The following TMEM138 variants were observed in gnomAD, a reference collection of about 807,000 sequenced individuals.
The protein encoded by TMEM138 is transmembrane protein 138.
A neutral mutation model predicts 18.1 loss-of-function variants in TMEM138; 9 were observed. The observed-to-expected ratio is 0.50, with a 90% CI of 0.30 to 0.87. The LOEUF is 0.87. Ranked by LOEUF, TMEM138 falls within the 40% of genes least tolerant of loss-of-function variation. The pLI is 0.06. For missense variants in TMEM138, 189 were observed against 190.6 expected (o/e 0.99, Z 0.05); for synonymous variants, 79 against 74.8 (o/e 1.06, Z -0.29).
Position 61,369,022 on chromosome 11 carries a change from A to G in TMEM138, c.*313A>G. The G allele has an allele frequency of 3.3e-6, 1 of 300,406 alleles. No individual in the cohort carries two copies. The highest frequency in any genetic ancestry group is 6.4e-6 in the Non-Finnish European group (1 of 156,108). 18.6% of individuals were successfully genotyped at this position (300,406 alleles called of 1,614,324 possible). ...GGTTCTGTGGCTCTTACCCTTGTGA[A>G]GCTTTTCCTTTAGCCTGGGACAGAA... On this transcript the variant is annotated 3_prime_UTR_variant, in exon 5 of 5. Coordinates refer to ENST00000278826, the MANE Select transcript of TMEM138 (RefSeq NM_016464.5).
In TMEM138 at chr11:61,364,546, C is replaced by T. The variant is rs775818132; in HGVS notation, c.128+28C>T. On this transcript the variant is annotated intron_variant, in intron 2 of 4. Transcript: ENST00000278826. ...GCGTGCAGTAAGGCACTCTGGAAAG[C>T]TGAACCCACGCAATTCAAAGGCCCT... The T allele has an allele frequency of 9.3e-6, 15 of 1,613,008 alleles. No individual in the cohort carries two copies. The Admixed American group carries it at 2.5e-4, about 27-fold the overall frequency.
Position 61,368,856 on chromosome 11 carries a change from A to G in TMEM138, c.*147A>G, listed in dbSNP as rs1315972621. On this transcript the variant is annotated 3_prime_UTR_variant, in exon 5 of 5. Coordinates refer to ENST00000278826, the MANE Select transcript of TMEM138 (RefSeq NM_016464.5). ...CTGTGTTCAGCATTCAAGAAGGAAG[A>G]TCCTCCCTCTTGCACAATTAGAGTG... The G allele has an allele frequency of 4.6e-6, 3 of 654,366 alleles. No homozygotes were observed. Among genetic ancestry groups the G allele is most frequent in the Non-Finnish European group, 8.2e-6 (3 of 364,140 alleles). 40.5% of individuals were successfully genotyped at this position (654,366 alleles called of 1,614,324 possible). A position where few individuals can be genotyped will look rare whatever the true frequency, so the allele number is the denominator to read the frequency against.
Position 61,367,942 on chromosome 11 carries a change from C to G in TMEM138, c.320C>G (p.Ser107Cys). Residue 107 changes from serine to cysteine, a missense_variant, in exon 4 of 5, where the codon TCC (serine) becomes TGC (cysteine). Coordinates refer to ENST00000278826, the MANE Select transcript of TMEM138 (RefSeq NM_016464.5). The part of the protein sequence containing the change: ...VWVMNLRWKN[S>C]NSFIWTDGLQ... ...CTTCAGAACTTACGCTGGAAAAACT[C>G]CAACAGCTTCATATGGACAGATGGA... 6.2e-7 allele frequency: 1 copy of G among 1,613,412 alleles called. No individual in the cohort carries two copies. Among genetic ancestry groups the G allele is most frequent in the Non-Finnish European group, 8.5e-7 (1 of 1,179,390 alleles).
At chr11:61,374,243 G>A (rs184201006), downstream of TMEM138, among the ~76,000 whole-genome samples, 1 of 150,624 alleles carries the variant, frequency 6.6e-6, no homozygotes, top group Non-Finnish European at 1.5e-5. Context: ...TGCGTCCCGG[G>A]TTCAAGCAAT....
intron 4 of TMEM138, 63 bp downstream of exon 4, chr11:61,368,061 C>T: frequency 1.7e-6 from 2 of 1,165,412 alleles, no homozygotes; most frequent in East Asian, 2.3e-5. Context: ...CAGTGAGGGC[C>T]TTGATGCTGG....
downstream of TMEM138, among the ~76,000 whole-genome samples, chr11:61,371,209 A>G (rs1858334756): frequency 6.6e-6 from 1 of 151,870 alleles, no homozygotes; most frequent in Non-Finnish European, 1.5e-5. Flanking sequence ...TAATTTTTGT[A>G]TTTTTAGTAG....
downstream of TMEM138, among the ~76,000 whole-genome samples, chr11:61,372,562 C>T (rs183057260): frequency 2.8e-4 from 42 of 151,354 alleles, no homozygotes; most frequent in Admixed American, 1.1e-3. Context: ...GCGGGGGGAT[C>T]GTGAAGTCAG....
At chr11:61,369,830 A>G (rs1832181504), downstream of TMEM138, among the ~76,000 whole-genome samples, 1 of 152,188 alleles carries the variant, frequency 6.6e-6, no homozygotes, top group Non-Finnish European at 1.5e-5. Context: ...ATCTGCTCAC[A>G]CGCCAGTGGC....
chr11:61,369,800 C>A (rs1390341420), downstream of TMEM138, among the ~76,000 whole-genome samples: 1 of 152,220 alleles, frequency 6.6e-6, no homozygotes, highest in Non-Finnish European at 1.5e-5. Context: ...TGCAGATTTA[C>A]TTCCCACAGA....
In TMEM138 at chr11:61,368,004, G is replaced by A; in HGVS notation, c.376+6G>A. ...GTTTGTATTCCAGAGACTAGGTAAG[G>A]ACCAGAGCAAGGTCAGGCCTCTCTC... is the stretch of plus-strand genomic sequence containing the variant. On this transcript the variant is annotated splice_donor_region_variant and intron_variant, in intron 4 of 4. Transcript: ENST00000278826. The A allele has an allele frequency of 6.2e-7, 1 of 1,602,192 alleles. No individual in the cohort carries two copies. Among genetic ancestry groups the A allele is most frequent in the Non-Finnish European group, 8.6e-7 (1 of 1,169,180 alleles).
At chr11:61,370,477 G>A (rs1001942281), downstream of TMEM138, among the ~76,000 whole-genome samples, 1 of 152,200 alleles carries the variant, frequency 6.6e-6, no homozygotes, top group Non-Finnish European at 1.5e-5. Flanking sequence ...AGGTAGAGGG[G>A]TGGGTTTTGT....
chr11:61,364,422 T>C lies in TMEM138; in HGVS notation c.32T>C (p.Leu11Pro). The C allele has an allele frequency of 2.5e-6, 4 of 1,614,190 alleles. No homozygotes were observed. Among genetic ancestry groups the C allele is most frequent in the Non-Finnish European group, 3.4e-6 (4 of 1,180,014 alleles). MLQTSNYSLV[L>P]SLQFLLLSYD... ...CAGACCAGTAACTACAGCCTGGTGC[T>C]CTCTCTGCAGTTCCTGCTGCTGTCC... Residue 11 changes from leucine (L) to proline (P), a missense_variant, in exon 2 of 5, where the codon CTC becomes CCC. Transcript: ENST00000278826.
downstream of TMEM138, among the ~76,000 whole-genome samples, chr11:61,371,085 T>A (rs1168771769): frequency 6.6e-6 from 1 of 152,194 alleles, no homozygotes; most frequent in Non-Finnish European, 1.5e-5. Flanking sequence ...ACCAGGCTGG[T>A]GTGCAGTGGT....
chr11:61,375,685 G>A (rs147549929), downstream of TMEM138, among the ~76,000 whole-genome samples: 1,538 of 152,244 alleles, frequency 0.01, 38 homozygotes, highest in African/African-American at 0.035. Flanking sequence ...ATCTGTTTTC[G>A]TTTGTAACAG....
intron 2 of TMEM138, among the ~76,000 whole-genome samples, chr11:61,365,471 G>A (rs896356406): frequency 2.6e-5 from 4 of 152,100 alleles, no homozygotes; most frequent in Admixed American, 6.5e-5. Context: ...TAGTAGAGAC[G>A]GGGTTTTGCC....
rs1333207300 is a variant in TMEM138, at chr11:61,368,268, A to C, written c.376+270A>C. 45 of 570,288 alleles carry C rather than the reference A, an allele frequency of 7.9e-5. 1 individual carries two copies. Among genetic ancestry groups the C allele is most frequent in the Admixed American group, 2.4e-5 (1 of 42,324 alleles). The allele number at this position is 570,288 out of a possible 1,614,324, so 35.3% of individuals were successfully genotyped here. A position where few individuals can be genotyped will look rare whatever the true frequency, so the allele number is the denominator to read the frequency against. Reference sequence around the variant, plus strand: ...TTGAGACAGTCTTGCTCTGTCGCCCAGGCTGGAGTGCTGTGGCGCTATCTC... The same window carrying C: ...TTGAGACAGTCTTGCTCTGTCGCCCCGGCTGGAGTGCTGTGGCGCTATCTC... On this transcript the variant is annotated intron_variant, in intron 4 of 4. Coordinates refer to ENST00000278826, the MANE Select transcript of TMEM138 (RefSeq NM_016464.5).
intron 2 of TMEM138, chr11:61,365,829 T>G (rs763620335): frequency 2.0e-6 from 1 of 492,210 alleles, no homozygotes; most frequent in Non-Finnish European, 3.5e-6. Context: ...GACTATGGAC[T>G]GCAAACCCAA....
At chr11:61,375,017 T>C (rs57265354), downstream of TMEM138, among the ~76,000 whole-genome samples, 4,417 of 152,178 alleles carry the variant, frequency 0.029, 189 homozygotes, top group African/African-American at 0.093. Flanking sequence ...TTCTGATAAC[T>C]TTAGAGACTG....
downstream of TMEM138, among the ~76,000 whole-genome samples, chr11:61,372,384 C>G (rs1858363752): frequency 1.3e-5 from 2 of 151,218 alleles, no homozygotes; most frequent in African/African-American, 2.4e-5. Flanking sequence ...TCACTGCAAC[C>G]TCTGCCTCTT....
Sources: gnomAD v4.1 joint callset for allele counts (sites outside exome capture counted in the v4.1 genomes callset) on GRCh38, gnomAD v4.1.1 for gene constraint, MANE v1.5 for transcripts, NCBI Gene and HGNC (gene_info 2026-07-23, HGNC 2026-07-21) for gene names.